The following SPIDR variants were observed in gnomAD, a reference collection of about 807,000 sequenced individuals.
The protein encoded by SPIDR is scaffold protein involved in DNA repair, also known as DNA repair-scaffolding protein.
Under a neutral mutation model 104.6 loss-of-function variants are expected in SPIDR, and 93 were observed. The observed-to-expected ratio is 0.89, with a 90% confidence interval of 0.75 to 1.06. SPIDR has a LOEUF of 1.06. Ranked by LOEUF, SPIDR falls within the 50% of genes least tolerant of loss-of-function variation. The pLI, the probability that SPIDR is intolerant of heterozygous loss-of-function variation, is 0.00. For missense variants in SPIDR, 1,154 were observed against 1,111.2 expected (o/e 1.04, Z -0.55); for synonymous variants, 431 against 416.9 (o/e 1.03, Z -0.41).
At chr8:47,693,685 G>T (rs2078978685) in intron 11 of SPIDR, among the ~76,000 whole-genome samples, 1 of 152,126 alleles carries the variant, frequency 6.6e-6, no homozygotes, top group Non-Finnish European at 1.5e-5. Flanking sequence ...CACTAACTAA[G>T]CCAGAGGATC....
chr8:47,392,920 A>G (rs1401131960), intron 5 of SPIDR, among the ~76,000 whole-genome samples: 1 of 152,210 alleles, frequency 6.6e-6, no homozygotes, highest in African/African-American at 2.4e-5. Context: ...CTTTTGTCAA[A>G]TGCAGAACAC....
At chr8:47,418,604 C>T (rs1554677243) in intron 7 of SPIDR, among the ~76,000 whole-genome samples, 1 of 152,062 alleles carries the variant, frequency 6.6e-6, no homozygotes, top group Non-Finnish European at 1.5e-5. Context: ...AGTTGAATAC[C>T]CTTTATTTCC....
At chr8:47,367,188 C>T (rs2057339992) in intron 5 of SPIDR, among the ~76,000 whole-genome samples, 1 of 152,110 alleles carries the variant, frequency 6.6e-6, no homozygotes, top group African/African-American at 2.4e-5. Context: ...CTGTTGCTGG[C>T]TTGGAGATGG....
rs372276536 is a variant in SPIDR, at chr8:47,359,930, A to G, written c.526-36446A>G. Among the ~76,000 whole-genome samples, 34 of 152,280 alleles carry G rather than the reference A, an allele frequency of 2.2e-4. 1 individual carries two copies. The highest frequency in any genetic ancestry group is 7.2e-4 in the African/African-American group (30 of 41,576). ...TGTTTGAAAGAGCCTGGAACAATTT[A>G]TCACTCTCTCTCATTGAAATAGAGG... On this transcript the variant is annotated intron_variant, in intron 5 of 19. Coordinates refer to ENST00000297423, the MANE Select transcript of SPIDR (RefSeq NM_001080394.4).
At chr8:47,378,153 A>C (rs1310620147) in intron 5 of SPIDR, among the ~76,000 whole-genome samples, 1 of 152,212 alleles carries the variant, frequency 6.6e-6, no homozygotes, top group Non-Finnish European at 1.5e-5. Context: ...AGGGACTGAG[A>C]GTACCTGGCA....
intron 7 of SPIDR, among the ~76,000 whole-genome samples, chr8:47,420,996 C>T (rs1237831379): frequency 6.6e-6 from 1 of 152,246 alleles, no homozygotes; most frequent in Non-Finnish European, 1.5e-5. Flanking sequence ...GTCTGATGGG[C>T]TTCACTTTGT....
chr8:47,373,989 C>T (rs1396826900), intron 5 of SPIDR, among the ~76,000 whole-genome samples: 3 of 152,134 alleles, frequency 2.0e-5, no homozygotes, highest in Non-Finnish European at 4.4e-5. Flanking sequence ...GAAAGTTGAG[C>T]TGTTTTTGAC....
intron 8 of SPIDR, among the ~76,000 whole-genome samples, chr8:47,441,071 T>A (rs1262352147): frequency 1.3e-5 from 2 of 152,228 alleles, no homozygotes; most frequent in African/African-American, 4.8e-5. Context: ...AAAATCATAC[T>A]ACTTTTGAGG....
intron 9 of SPIDR, among the ~76,000 whole-genome samples, chr8:47,597,941 A>G (rs2061809459): frequency 6.6e-6 from 1 of 152,206 alleles, no homozygotes; most frequent in Non-Finnish European, 1.5e-5. Context: ...CTGACAGATC[A>G]AGGGAGGAAG....
At chr8:47,268,459 T>C (rs2034547905) in intron 1 of SPIDR, among the ~76,000 whole-genome samples, 1 of 152,258 alleles carries the variant, frequency 6.6e-6, no homozygotes, top group Non-Finnish European at 1.5e-5. Flanking sequence ...ATGGGTTGTC[T>C]TTTCATTTAT....
chr8:47,509,944 TAAC>T (rs1387653426), intron 8 of SPIDR, among the ~76,000 whole-genome samples: 2 of 151,886 alleles, frequency 1.3e-5, no homozygotes, highest in East Asian at 3.9e-4. Flanking sequence ...GACACACACT[TAAC>T]ACACATCTGT....
At chr8:47,722,608 C>T (rs965486583) in intron 16 of SPIDR, among the ~76,000 whole-genome samples, 2 of 152,170 alleles carry the variant, frequency 1.3e-5, no homozygotes, top group African/African-American at 4.8e-5. Context: ...TTTGCATCTG[C>T]ACTTTATATT....
intron 5 of SPIDR, among the ~76,000 whole-genome samples, chr8:47,362,775 G>T (rs1315822445): frequency 6.6e-6 from 1 of 151,884 alleles, no homozygotes; most frequent in Non-Finnish European, 1.5e-5. Flanking sequence ...TCAGCCTCCC[G>T]AGTAGCTGGG....
intron 5 of SPIDR, among the ~76,000 whole-genome samples, chr8:47,354,521 C>T (rs1478175592): frequency 6.6e-6 from 1 of 152,104 alleles, no homozygotes; most frequent in African/African-American, 2.4e-5. Flanking sequence ...CAAACATATT[C>T]TGCCTTACAA....
chr8:47,590,045 G>A (rs565231534), intron 8 of SPIDR, among the ~76,000 whole-genome samples: 1 of 151,738 alleles, frequency 6.6e-6, no homozygotes, highest in South Asian at 2.1e-4. Context: ...CTGGTGGTGG[G>A]CACCTGTAAT....
intron 8 of SPIDR, among the ~76,000 whole-genome samples, chr8:47,566,466 G>A (rs1369357489): frequency 1.3e-5 from 2 of 152,000 alleles, no homozygotes; most frequent in Non-Finnish European, 2.9e-5. Flanking sequence ...GACTAGAAAG[G>A]ACTTATAAAG....
At chr8:47,366,755 C>T (rs1554634826) in intron 5 of SPIDR, among the ~76,000 whole-genome samples, 1 of 152,124 alleles carries the variant, frequency 6.6e-6, no homozygotes, top group African/African-American at 2.4e-5. Context: ...TGGGTATTTG[C>T]AAAGATGTAT....
chr8:47,413,053 T>A (rs2063755511), intron 7 of SPIDR, among the ~76,000 whole-genome samples: 1 of 152,214 alleles, frequency 6.6e-6, no homozygotes, highest in Admixed American at 6.5e-5. Flanking sequence ...AATATTTGCA[T>A]TATTGGGTTT....
At chr8:47,592,612 A>G (rs879129126) in intron 8 of SPIDR, 62 of 1,178,672 alleles carry the variant, frequency 5.3e-5, no homozygotes, top group Non-Finnish European at 6.8e-5. Context: ...CTGCCATCTT[A>G]TCAGAACCCG....
Sources: gnomAD v4.1 joint callset for allele counts (sites outside exome capture counted in the v4.1 genomes callset) on GRCh38, gnomAD v4.1.1 for gene constraint, MANE v1.5 for transcripts, NCBI Gene and HGNC (gene_info 2026-07-23, HGNC 2026-07-21) for gene names.